Variants in MEI4 observed in about 807,000 individuals in gnomAD.
MEI4 encodes the protein meiotic double-stranded break formation protein 4.
A neutral mutation model predicts 31.4 loss-of-function variants in MEI4; 27 were observed. That is an observed-to-expected ratio of 0.86 (90% CI 0.63 to 1.19). The LOEUF (loss-of-function observed/expected upper bound fraction) is 1.19. MEI4 is among the 50% of genes most tolerant of loss of function. MEI4 has a pLI of 0.00. For missense variants in MEI4, 329 were observed against 398.9 expected (o/e 0.82, Z 1.49); for synonymous variants, 122 against 145.4 (o/e 0.84, Z 1.16).
intron 4 of MEI4, among the ~76,000 whole-genome samples, chr6:77,885,567 G>T (rs897927125): frequency 6.6e-6 from 1 of 152,010 alleles, no homozygotes; most frequent in Admixed American, 6.6e-5. Flanking sequence ...AGAGTTTCTT[G>T]GTGGAGTTGT....
chr6:77,768,435 C>T (rs796392773), intron 3 of MEI4, among the ~76,000 whole-genome samples: 31 of 152,218 alleles, frequency 2.0e-4, no homozygotes, highest in African/African-American at 7.2e-4. Flanking sequence ...TGCGGTGGCT[C>T]ACGCCTGTAA....
rs754121284 is a variant in MEI4 at position 77,853,790 on chromosome 6, G to A, written c.900+24728G>A. Among the ~76,000 whole-genome samples the A allele has an allele frequency of 2.6e-5, 4 of 152,246 alleles. 1 individual carries two copies. The highest frequency in any genetic ancestry group is 2.1e-4 in the South Asian group (1 of 4,826). Reference sequence around the variant, plus strand: ...AAGAATAGGGAATGAGATAATGAGAGGTCTAGGAAGTACAGTCTAAAAAAT... The same window carrying A: ...AAGAATAGGGAATGAGATAATGAGAAGTCTAGGAAGTACAGTCTAAAAAAT... On this transcript the variant is annotated intron_variant, in intron 4 of 4. Transcript: ENST00000684080.
chr6:77,828,264 C>A (rs62425060), intron 3 of MEI4, among the ~76,000 whole-genome samples: 1 of 150,524 alleles, frequency 6.6e-6, no homozygotes, highest in African/African-American at 2.4e-5. Flanking sequence ...GGCCATGGAC[C>A]AGTACTGGTC....
At chr6:77,772,409 C>T (rs1265325317) in intron 3 of MEI4, among the ~76,000 whole-genome samples, 2 of 151,910 alleles carry the variant, frequency 1.3e-5, no homozygotes, top group Non-Finnish European at 2.9e-5. Flanking sequence ...AAGGATGGTT[C>T]AGCATACACA....
intron 1 of MEI4, among the ~76,000 whole-genome samples, chr6:77,669,730 G>A (rs1251684082): frequency 6.6e-6 from 1 of 152,146 alleles, no homozygotes; most frequent in Non-Finnish European, 1.5e-5. Flanking sequence ...TATGTACCAG[G>A]CATTGTGTTA....
chr6:77,793,705 GTTA>G (rs763516935), intron 3 of MEI4, among the ~76,000 whole-genome samples: 2 of 152,232 alleles, frequency 1.3e-5, no homozygotes, highest in South Asian at 2.1e-4. Context: ...TATGATTAAA[GTTA>G]TTATCAGCTT....
intron 3 of MEI4, among the ~76,000 whole-genome samples, chr6:77,788,856 C>A (rs2127694651): frequency 6.6e-6 from 1 of 152,296 alleles, no homozygotes; most frequent in Middle Eastern, 3.4e-3. Context: ...TCAATGCCAT[C>A]CCCATCTAGC....
chr6:77,663,346 G>C (rs1471359336), intron 1 of MEI4, among the ~76,000 whole-genome samples: 7 of 152,038 alleles, frequency 4.6e-5, no homozygotes, highest in Non-Finnish European at 1.0e-4. Flanking sequence ...GAGATGGTAA[G>C]GGGTGCATGA....
chr6:77,868,726 A>G (rs1771124702), intron 4 of MEI4, among the ~76,000 whole-genome samples: 1 of 151,826 alleles, frequency 6.6e-6, no homozygotes, highest in Non-Finnish European at 1.5e-5. Flanking sequence ...GAGTTTAAAA[A>G]GAAAGAGAAA....
In MEI4 at chr6:77,925,834, A is replaced by G. The variant is rs1766830206; in HGVS notation, c.*2488A>G. The G allele has an allele frequency of 6.7e-6, 1 of 148,628 alleles. No homozygotes were observed. The highest frequency in any genetic ancestry group is 2.1e-4 in the South Asian group (1 of 4,802). 9.2% of individuals were successfully genotyped at this position (148,628 alleles called of 1,614,324 possible). On this transcript the variant is annotated 3_prime_UTR_variant, in exon 5 of 5. Transcript: ENST00000684080. ...TTTATATACATTTATATAATAAAAT[A>G]TATGAATAAGTAATATTATACATAT...
chr6:77,754,499 G>T (rs774302875), intron 2 of MEI4, among the ~76,000 whole-genome samples: 72 of 152,120 alleles, frequency 4.7e-4, no homozygotes, highest in Non-Finnish European at 6.9e-4. Flanking sequence ...CAAACTTTCT[G>T]ACATCTTCCT....
intron 4 of MEI4, among the ~76,000 whole-genome samples, chr6:77,862,453 A>G (rs1582226699): frequency 3.3e-5 from 5 of 152,240 alleles, no homozygotes; most frequent in African/African-American, 1.2e-4. Flanking sequence ...AGAGGGTCCT[A>G]TGCCCATGGA....
chr6:77,743,336 C>T (rs1243319951), intron 2 of MEI4, among the ~76,000 whole-genome samples: 1 of 152,158 alleles, frequency 6.6e-6, no homozygotes, highest in Non-Finnish European at 1.5e-5. Context: ...AGGTCCTTCA[C>T]ATCCCTTGTA....
At chr6:77,713,570 C>G (rs913822639) in intron 2 of MEI4, among the ~76,000 whole-genome samples, 1 of 152,088 alleles carries the variant, frequency 6.6e-6, no homozygotes, top group Non-Finnish European at 1.5e-5. Flanking sequence ...AGTCCAGAAT[C>G]AAAAGTGAAA....
chr6:77,676,401 CCTGTAG>C (rs1290870787), intron 1 of MEI4, among the ~76,000 whole-genome samples: 1 of 151,968 alleles, frequency 6.6e-6, no homozygotes, highest in Non-Finnish European at 1.5e-5. Flanking sequence ...GTGGTGCACG[CCTGTAG>C]TTCTAGCTAC....
At chr6:77,876,357 G>T (rs764560506) in intron 4 of MEI4, among the ~76,000 whole-genome samples, 1 of 152,146 alleles carries the variant, frequency 6.6e-6, no homozygotes, top group Non-Finnish European at 1.5e-5. Context: ...ATTATCATAG[G>T]AGTGAGTTCT....
chr6:77,895,116 G>C (rs1347912971), intron 4 of MEI4, among the ~76,000 whole-genome samples: 1 of 152,126 alleles, frequency 6.6e-6, no homozygotes, highest in Non-Finnish European at 1.5e-5. Context: ...CAAGAATACT[G>C]CTTTTATGCT....
intron 3 of MEI4, among the ~76,000 whole-genome samples, chr6:77,810,316 A>T (rs1172255444): frequency 3.3e-5 from 5 of 152,148 alleles, no homozygotes; most frequent in African/African-American, 4.8e-5. Flanking sequence ...CCTGTTGGGG[A>T]TTCTGTAAGA....
rs546838113 is a variant in MEI4, at chr6:77,784,503, T to C, written c.768+22838T>C. 3.9e-5 allele frequency among the ~76,000 whole-genome samples: 6 copies of C among 152,280 alleles called. No individual in the cohort carries two copies. In the East Asian group the frequency reaches 7.7e-4, roughly 20 times the overall value. The stretch of plus-strand genomic sequence containing the variant: ...ATAAAAATAGATTAATGTATCTCTT[T>C]GATGCATTTCAAGTCTATGAACATG... On this transcript the variant is annotated intron_variant, in intron 3 of 4. Coordinates refer to ENST00000684080, the MANE Select transcript of MEI4 (RefSeq NM_001322247.2).
Sources: gnomAD v4.1 joint callset for allele counts (sites outside exome capture counted in the v4.1 genomes callset) on GRCh38, gnomAD v4.1.1 for gene constraint, MANE v1.5 for transcripts, NCBI Gene and HGNC (gene_info 2026-07-23, HGNC 2026-07-21) for gene names.